CLU: variants seen among roughly 807,000 people sequenced by gnomAD.
The protein encoded by CLU is clusterin, also known as aging-associated protein 4.
Under a neutral mutation model 46.4 loss-of-function variants are expected in CLU, and 25 were observed. The observed-to-expected ratio is 0.54, with a 90% CI of 0.39 to 0.75. CLU has a LOEUF of 0.75. Among genes scored for constraint, CLU ranks in the 30% least tolerant of loss-of-function variants. The pLI is 0.00. For missense variants in CLU, 504 were observed against 592.1 expected (o/e 0.85, Z 1.54); for synonymous variants, 235 against 235.1 (o/e 1.00, Z 0.00).
At position 27,607,104 on chromosome 8, in the gene CLU, G is replaced by A. The variant is rs1192722833; in HGVS notation, c.247-580C>T. Among the ~76,000 whole-genome samples the A allele has an allele frequency of 2.0e-5, 3 of 152,296 alleles. 1 individual carries two copies. Among genetic ancestry groups the A allele is most frequent in the East Asian group, 1.9e-4 (1 of 5,186 alleles). ...TGTAATCCCAGCACTTTGGGAGGCC[G>A]AGGCAGGCATATTACTTGGGGTCAG... On this transcript the variant is annotated intron_variant, in intron 3 of 8. Coordinates refer to ENST00000316403, the MANE Select transcript of CLU (RefSeq NM_001831.4).
intron 1 of CLU, among the ~76,000 whole-genome samples, chr8:27,612,435 A>G (rs1339345753): frequency 6.6e-6 from 1 of 152,130 alleles, no homozygotes; most frequent in Non-Finnish European, 1.5e-5. Context: ...ACTACTTCCA[A>G]ATTAGACTGA....
chr8:27,603,678 G>A (rs753762971), intron 6 of CLU, among the ~76,000 whole-genome samples: 1 of 152,212 alleles, frequency 6.6e-6, no homozygotes, highest in Non-Finnish European at 1.5e-5. Flanking sequence ...CAGGTACTGA[G>A]ACCCGTGACT....
intron 4 of CLU, 119 bp from the exon 5 acceptor site, chr8:27,605,454 A>G: frequency 9.8e-7 from 1 of 1,018,130 alleles, no homozygotes; most frequent in East Asian, 2.6e-5. Flanking sequence ...TCACACAGCA[A>G]GTGACCAACA....
chr8:27,598,426 C>A (rs774907423), intron 8 of CLU, 34 bp downstream of exon 8: 27 of 1,613,238 alleles, frequency 1.7e-5, no homozygotes, highest in Non-Finnish European at 2.2e-5. Flanking sequence ...CTCACTGGGC[C>A]CTGCAGGCCC....
chr8:27,599,790 C>T lies in CLU; in HGVS notation c.1154G>A (p.Arg385Gln), dbSNP rs769980437. 20 of 1,609,480 alleles carry T rather than the reference C, an allele frequency of 1.2e-5. No homozygotes were observed. Among genetic ancestry groups the T allele is most frequent in the East Asian group, 2.2e-5 (1 of 44,678 alleles). The change falls in exon 7 of 9, where the codon CGG (arginine) becomes CAG (glutamine). Residue 385 changes from arginine (R) to glutamine (Q), a missense_variant. Coordinates refer to ENST00000316403, the MANE Select transcript of CLU (RefSeq NM_001831.4). The surrounding 1 kb of genome is among the most constrained non-coding windows in gnomAD (Gnocchi z 4.0). The part of the protein sequence containing the change: ...LTQGEDQYYL[R>Q]VTTVASHTSD... ...CGGGACACAGCTCACCGTGGTGACC[C>T]GCAGATAGTACTGGTCTTCGCCTTG...
chr8:27,600,763 G>A (rs562501271), intron 6 of CLU, among the ~76,000 whole-genome samples: 7 of 152,194 alleles, frequency 4.6e-5, no homozygotes, highest in East Asian at 1.9e-4. Flanking sequence ...GCTGCCATTC[G>A]TGTGGCACTG....
rs1800638683 is a variant in CLU, at chr8:27,597,985, C to A, written c.*256G>T. 1 of 672,438 alleles carries A rather than the reference C, an allele frequency of 1.5e-6. No homozygotes were observed. The highest frequency in any genetic ancestry group is 2.7e-6 in the Non-Finnish European group (1 of 368,220). The allele number at this position is 672,438 out of a possible 1,614,324, so 41.7% of individuals were successfully genotyped here. A position where few individuals can be genotyped will look rare whatever the true frequency, so the allele number is the denominator to read the frequency against. On this transcript the variant is annotated 3_prime_UTR_variant, in exon 9 of 9. Transcript: ENST00000316403. ...CAGCAACTCAACATAAAAAGAGGAC[C>A]CTCCAAGCGATCAGCTCACAAGACA...
At position 27,597,008 on chromosome 8, in the gene CLU, C is replaced by A. The variant is rs1800609975; in HGVS notation, c.*1233G>T. The A allele has an allele frequency of 2.2e-6, 1 of 453,962 alleles. No individual in the cohort carries two copies. Among genetic ancestry groups the A allele is most frequent in the Non-Finnish European group, 4.4e-6 (1 of 226,790 alleles). The allele number at this position is 453,962 out of a possible 1,614,324, so 28.1% of individuals were successfully genotyped here. A position where few individuals can be genotyped will look rare whatever the true frequency, so the allele number is the denominator to read the frequency against. On this transcript the variant is annotated 3_prime_UTR_variant, in exon 9 of 9. Transcript: ENST00000316403. ...AGCAAATACCTCTGACCCCATAATT[C>A]TAATTAATGTATATCATTAAGTGAA...
chr8:27,599,403 T>C lies in CLU; in HGVS notation c.1164+377A>G, dbSNP rs1191937034. The C allele has an allele frequency of 3.7e-6, 1 of 270,368 alleles. No homozygotes were observed. Among genetic ancestry groups the C allele is most frequent in the Non-Finnish European group, 7.2e-6 (1 of 139,326 alleles). The allele number at this position is 270,368 out of a possible 1,614,324, so 16.7% of individuals were successfully genotyped here. A position where few individuals can be genotyped will look rare whatever the true frequency, so the allele number is the denominator to read the frequency against. ...TGATGTACTAATTCATAAGCCATTT[T>C]ACATGCCAGAGGGCAGCCTTGTAGC... On this transcript the variant is annotated intron_variant, in intron 7 of 8. Transcript: ENST00000316403. The surrounding 1 kb of genome is among the most constrained non-coding windows in gnomAD (Gnocchi z 4.0).
chr8:27,612,409 A>G (rs908449662), intron 1 of CLU, among the ~76,000 whole-genome samples: 6 of 152,216 alleles, frequency 3.9e-5, no homozygotes, highest in Admixed American at 1.3e-4. Flanking sequence ...GTCTTATGTA[A>G]TCATAGTAAA....
Position 27,599,515 on chromosome 8 carries a change from C to T in CLU, c.1164+265G>A, listed in dbSNP as rs1800678138. 1 of 496,356 alleles carries T rather than the reference C, an allele frequency of 2.0e-6. No individual in the cohort carries two copies. The highest frequency in any genetic ancestry group is 3.7e-6 in the Non-Finnish European group (1 of 273,440). The allele number at this position is 496,356 out of a possible 1,614,324, so 30.7% of individuals were successfully genotyped here. Reference sequence around the variant, plus strand: ...CAACAACAAAATACAGGCTTGGCAGCCAGGCAGTCAGGTTCAAATACCCGT... The same window carrying T: ...CAACAACAAAATACAGGCTTGGCAGTCAGGCAGTCAGGTTCAAATACCCGT... On this transcript the variant is annotated intron_variant, in intron 7 of 8. Transcript: ENST00000316403. The surrounding 1 kb of genome is among the most constrained non-coding windows in gnomAD (Gnocchi z 4.0).
chr8:27,606,269 T>A, intron 4 of CLU, 85 bp downstream of exon 4: 2 of 1,469,600 alleles, frequency 1.4e-6, no homozygotes, highest in Non-Finnish European at 1.9e-6. Context: ...ATCAATTGCA[T>A]CTGGCATGCG....
chr8:27,614,679 G>C lies in CLU; in HGVS notation c.-54C>G, dbSNP rs1800982719. On this transcript the variant is annotated 5_prime_UTR_variant, in exon 1 of 9. Coordinates refer to ENST00000316403, the MANE Select transcript of CLU (RefSeq NM_001831.4). ...CCGGTCAGCGGCACCCTGTGCCCGCGCGCTCCTCCTGGCGACGCCGCGTTG... is the reference window on the plus strand; with the variant it reads ...CCGGTCAGCGGCACCCTGTGCCCGCCCGCTCCTCCTGGCGACGCCGCGTTG... 1.9e-6 allele frequency: 1 copy of C among 532,290 alleles called. No homozygotes were observed. Among genetic ancestry groups the C allele is most frequent in the African/African-American group, 1.9e-5 (1 of 51,916 alleles). The allele number at this position is 532,290 out of a possible 1,614,324, so 33.0% of individuals were successfully genotyped here.
At chr8:27,598,328 T>C in intron 8 of CLU, 78 bp from the exon 9 acceptor site, 1 of 1,601,478 alleles carries the variant, frequency 6.2e-7, no homozygotes, top group Non-Finnish European at 8.6e-7. Flanking sequence ...ACTTCCTGGC[T>C]TTGTTCTTGG....
Position 27,606,366 on chromosome 8 carries a change from C to T in CLU, c.405G>A (p.Leu135=), listed in dbSNP as rs1800821798. The change falls in exon 4 of 9, where the codon CTG becomes CTA. Residue 135 remains leucine, a synonymous_variant. Coordinates refer to ENST00000316403, the MANE Select transcript of CLU (RefSeq NM_001831.4). ...YARVCRSGSG[L]VGRQLEEFLN... The stretch of plus-strand genomic sequence containing the variant: ...GTCCCCTTTTCACCTGGCGGCCAAC[C>T]AGGCCTGAGCCACTTCTGCAGACGC... 1.2e-6 allele frequency: 2 copies of T among 1,614,150 alleles called. No homozygotes were observed. Among genetic ancestry groups the T allele is most frequent in the African/African-American group, 2.7e-5 (2 of 75,062 alleles).
At chr8:27,603,636 C>A (rs1800760918) in intron 6 of CLU, among the ~76,000 whole-genome samples, 1 of 152,188 alleles carries the variant, frequency 6.6e-6, no homozygotes, top group South Asian at 2.1e-4. Flanking sequence ...GGGGACCAAC[C>A]AACCGACCAA....
intron 3 of CLU, 23 bp from the exon 4 acceptor site, chr8:27,606,547 C>T: frequency 6.2e-7 from 1 of 1,613,850 alleles, no homozygotes; most frequent in East Asian, 2.2e-5. Context: ...ACAAGGCTGG[C>T]TGAGCCACAC....
rs747696762 is a variant in CLU, at chr8:27,614,644, G to A, written c.-30+11C>T. On this transcript the variant is annotated intron_variant, in intron 1 of 8. Coordinates refer to ENST00000316403, the MANE Select transcript of CLU (RefSeq NM_001831.4). ...CTCTGCTCAAGGGTAGGGAAGACGGGGACATCTCACCGGTCAGCGGCACCC... is the reference window on the plus strand; with the variant it reads ...CTCTGCTCAAGGGTAGGGAAGACGGAGACATCTCACCGGTCAGCGGCACCC... 1.1e-5 allele frequency: 6 copies of A among 526,242 alleles called. No homozygotes were observed. The highest frequency in any genetic ancestry group is 5.8e-5 in the African/African-American group (3 of 51,666). The allele number at this position is 526,242 out of a possible 1,614,324, so 32.6% of individuals were successfully genotyped here. A position where few individuals can be genotyped will look rare whatever the true frequency, so the allele number is the denominator to read the frequency against.
intron 6 of CLU, among the ~76,000 whole-genome samples, chr8:27,600,742 T>C (rs553211011): frequency 6.6e-6 from 1 of 152,282 alleles, no homozygotes; most frequent in African/African-American, 2.4e-5. Context: ...AGAGGAGGAA[T>C]ATTACTCACA....
Sources: allele counts gnomAD v4.1 joint callset (sites outside exome capture counted in the v4.1 genomes callset), GRCh38; gene constraint gnomAD v4.1.1; non-coding constraint Gnocchi (gnomAD v3.1); transcripts MANE v1.5; gene names NCBI Gene and HGNC (gene_info 2026-07-23, HGNC 2026-07-21).